Variants in GRHL2 observed in about 807,000 individuals in gnomAD.
The protein encoded by GRHL2 is grainyhead-like protein 2 homolog.
A neutral mutation model predicts 83.8 loss-of-function variants in GRHL2; 21 were observed. The ratio of observed to expected loss-of-function variants is 0.25; its 90% CI spans 0.18 to 0.36. GRHL2 has a LOEUF of 0.36. Ranked by LOEUF, GRHL2 falls within the 10% of genes least tolerant of loss-of-function variation. The probability of loss-of-function intolerance (pLI) is 1.00; values close to 1 mark genes in which losing one functional copy is unlikely to be tolerated. For missense variants in GRHL2, 623 were observed against 781.8 expected (o/e 0.80, Z 2.42); for synonymous variants, 280 against 278.9 (o/e 1.00, Z -0.04).
intron 7 of GRHL2, among the ~76,000 whole-genome samples, chr8:101,597,844 GA>G (rs1290570345): frequency 6.6e-6 from 1 of 150,936 alleles, no homozygotes; most frequent in South Asian, 2.1e-4. Flanking sequence ...AAAAAAAAAA[GA>G]AAAAAAGAAA....
At chr8:101,499,521 T>C (rs978846551) in intron 1 of GRHL2, among the ~76,000 whole-genome samples, 3 of 152,170 alleles carry the variant, frequency 2.0e-5, no homozygotes, top group Non-Finnish European at 4.4e-5. Context: ...TGATTTTAGG[T>C]GCTGCTATAG....
intron 1 of GRHL2, among the ~76,000 whole-genome samples, chr8:101,522,707 A>G (rs577924148): frequency 1.3e-5 from 2 of 151,720 alleles, no homozygotes; most frequent in Non-Finnish European, 2.9e-5. Flanking sequence ...CAAGCCTTAC[A>G]AATACAAGTA....
chr8:101,526,748 A>T (rs1438346324), intron 1 of GRHL2, among the ~76,000 whole-genome samples: 1 of 152,110 alleles, frequency 6.6e-6, no homozygotes, highest in East Asian at 1.9e-4. Flanking sequence ...TACTCAAAGC[A>T]CTGCACGAGT....
At chr8:101,644,247 G>A (rs765858291) in intron 13 of GRHL2, 22 bp downstream of exon 13, 2 of 1,583,568 alleles carry the variant, frequency 1.3e-6, no homozygotes, top group South Asian at 1.1e-5. Flanking sequence ...GCTGGGGCAT[G>A]CCCTCTCAGA....
chr8:101,613,192 C>T (rs1449850334), intron 8 of GRHL2, among the ~76,000 whole-genome samples: 1 of 150,754 alleles, frequency 6.6e-6, no homozygotes, highest in Non-Finnish European at 1.5e-5. Context: ...AAAAAGTGAG[C>T]ACTGGAAGAA....
At chr8:101,634,824 A>T (rs1234513614) in intron 11 of GRHL2, among the ~76,000 whole-genome samples, 2 of 152,092 alleles carry the variant, frequency 1.3e-5, no homozygotes, top group Non-Finnish European at 2.9e-5. Flanking sequence ...TCACTTGTGG[A>T]TTGAAATATT....
chr8:101,658,568 C>T (rs544900608), intron 14 of GRHL2, among the ~76,000 whole-genome samples: 280 of 152,274 alleles, frequency 1.8e-3, no homozygotes, highest in Admixed American at 3.1e-3. Context: ...CGCTGCTACC[C>T]TAGATTTTAT....
intron 1 of GRHL2, among the ~76,000 whole-genome samples, chr8:101,500,232 T>G (rs2129967543): frequency 6.6e-6 from 1 of 152,290 alleles, no homozygotes; most frequent in Non-Finnish European, 1.5e-5. Flanking sequence ...TGGATAGGAA[T>G]TTTTGCTTTG....
chr8:101,629,195 G>A (rs1483926440), intron 9 of GRHL2, among the ~76,000 whole-genome samples: 1 of 152,012 alleles, frequency 6.6e-6, no homozygotes, highest in African/African-American at 2.4e-5. Context: ...AATTGTTACA[G>A]CCACCCCAAC....
At chr8:101,531,222 C>A (rs1369841163) in intron 1 of GRHL2, among the ~76,000 whole-genome samples, 24 of 131,882 alleles carry the variant, frequency 1.8e-4, no homozygotes, top group Admixed American at 4.6e-4. Context: ...GACCTTATCT[C>A]AAAAAAAAAA....
Position 101,570,350 on chromosome 8 carries a change from T to G in GRHL2, c.690T>G (p.Ser230Arg), listed in dbSNP as rs1811796954. 6.2e-7 allele frequency: 1 copy of G among 1,613,988 alleles called. No homozygotes were observed. The highest frequency in any genetic ancestry group is 8.5e-7 in the Non-Finnish European group (1 of 1,179,884). The change falls in exon 5 of 16, where the codon AGT becomes AGG. Residue 230 changes from serine (S) to arginine (R), a missense_variant. Transcript: ENST00000646743. ...CTCATATTTTGCAGAAATTTCGGAG[T>G]GCTTCAGTTGGGGCTGAGGAGTACA... ...FKDAATEKFR[S>R]ASVGAEEYMY...
chr8:101,638,306 CA>C lies in GRHL2; in HGVS notation c.1517+1379del, dbSNP rs552036694. The stretch of plus-strand genomic sequence containing the variant: ...GCAAACTATAGCCAGAGGACCAAAT[CA>C]GGCCCACCGCCTATTTTAGTATAGT... On this transcript the variant is annotated intron_variant, in intron 12 of 15. Coordinates refer to ENST00000646743, the MANE Select transcript of GRHL2 (RefSeq NM_024915.4). Among the ~76,000 whole-genome samples, 269 of 152,330 alleles carry C rather than the reference CA, an allele frequency of 1.8e-3. 1 individual carries two copies. The highest frequency in any genetic ancestry group is 6.1e-3 in the African/African-American group (255 of 41,568).
At chr8:101,573,431 G>A (rs543355132) in intron 5 of GRHL2, among the ~76,000 whole-genome samples, 6 of 152,208 alleles carry the variant, frequency 3.9e-5, no homozygotes, top group South Asian at 4.1e-4. Context: ...CAGGCACATC[G>A]TGGACTTTAT....
chr8:101,492,836 G>A (rs751989011), intron 1 of GRHL2, 47 bp downstream of exon 1: 23 of 1,579,104 alleles, frequency 1.5e-5, no homozygotes, highest in Non-Finnish European at 1.9e-5. Context: ...ACCACTTTGG[G>A]CTGATGGCAA....
rs1812925493 is a variant in GRHL2, at chr8:101,619,712, C to T, written c.1257+15C>T. On this transcript the variant is annotated intron_variant, in intron 9 of 15. Coordinates refer to ENST00000646743, the MANE Select transcript of GRHL2 (RefSeq NM_024915.4). ...TCTGTGACAAAGTGAGTAAAGATGA[C>T]AGTTTTTTATAAAGGTATCTTTTTT... 2 of 1,597,312 alleles carry T rather than the reference C, an allele frequency of 1.3e-6. No homozygotes were observed. Among genetic ancestry groups the T allele is most frequent in the Non-Finnish European group, 1.7e-6 (2 of 1,165,320 alleles).
downstream of GRHL2, among the ~76,000 whole-genome samples, chr8:101,672,517 AG>A: frequency 6.6e-6 from 1 of 151,718 alleles, no homozygotes; most frequent in East Asian, 1.9e-4. Flanking sequence ...AAGAATAAGA[AG>A]AAACAAACAA....
intron 8 of GRHL2, among the ~76,000 whole-genome samples, chr8:101,615,902 A>T (rs1252174934): frequency 2.6e-5 from 4 of 152,184 alleles, no homozygotes; most frequent in Admixed American, 1.3e-4. Context: ...ATTCTCTGCC[A>T]TTAGGGCTTC....
At chr8:101,613,324 TA>T (rs1159567992) in intron 8 of GRHL2, among the ~76,000 whole-genome samples, 2 of 150,390 alleles carry the variant, frequency 1.3e-5, no homozygotes, top group African/African-American at 5.0e-5. Context: ...AGAAATGAAA[TA>T]AAAAAATTTG....
chr8:101,610,445 T>C lies in GRHL2; in HGVS notation c.1099-9094T>C, dbSNP rs141034353. ...TAAGGAGGCCACCCAGGCAGGAGCA[T>C]TAGGGAGGTAAAATGGAGAGGGCTT... On this transcript the variant is annotated intron_variant, in intron 8 of 15. Coordinates refer to ENST00000646743, the MANE Select transcript of GRHL2 (RefSeq NM_024915.4). Among the ~76,000 whole-genome samples, 962 of 150,422 alleles carry C rather than the reference T, an allele frequency of 6.4e-3. 11 individuals carry two copies. Among genetic ancestry groups the C allele is most frequent in the Non-Finnish European group, 0.01 (687 of 67,910 alleles).
Sources: gnomAD v4.1 joint callset for allele counts (sites outside exome capture counted in the v4.1 genomes callset) on GRCh38, gnomAD v4.1.1 for gene constraint, MANE v1.5 for transcripts, NCBI Gene and HGNC (gene_info 2026-07-23, HGNC 2026-07-21) for gene names.